PPP1R1C: variants seen among roughly 807,000 people sequenced by gnomAD.
PPP1R1C encodes protein phosphatase 1 regulatory inhibitor subunit 1C, also known as protein phosphatase 1 regulatory subunit 1C.
Under a neutral mutation model 17.4 loss-of-function variants are expected in PPP1R1C, and 15 were observed. That is an observed-to-expected ratio of 0.86 (90% CI 0.58 to 1.33). PPP1R1C has a LOEUF of 1.33. PPP1R1C is among the 40% of genes most tolerant of loss of function. The probability of loss-of-function intolerance (pLI) is 0.00; values close to 1 mark genes in which losing one functional copy is unlikely to be tolerated. For missense variants in PPP1R1C, 143 were observed against 130.0 expected, an observed-to-expected ratio of 1.10 and a Z score of -0.48; for synonymous variants, 35 against 43.1, an observed-to-expected ratio of 0.81 and a Z score of 0.73.
intron 2 of PPP1R1C, among the ~76,000 whole-genome samples, chr2:181,998,729 T>G (rs1420314952): frequency 6.6e-6 from 1 of 152,196 alleles, no homozygotes; most frequent in Admixed American, 6.5e-5. Context: ...TTTAAAATAA[T>G]TTTTCAAAAT....
At chr2:182,054,050 A>G (rs761476177) in intron 2 of PPP1R1C, among the ~76,000 whole-genome samples, 24 of 152,020 alleles carry the variant, frequency 1.6e-4, no homozygotes, top group Non-Finnish European at 3.1e-4. Context: ...CCTTTGTTTC[A>G]TGTATTTTAT....
intron 3 of PPP1R1C, among the ~76,000 whole-genome samples, chr2:182,062,970 G>C (rs1164201626): frequency 1.3e-5 from 2 of 151,950 alleles, no homozygotes; most frequent in African/African-American, 4.8e-5. Flanking sequence ...GGAGTCTTTG[G>C]CATTTTCCGA....
intron 4 of PPP1R1C, among the ~76,000 whole-genome samples, chr2:182,083,466 CT>C (rs1428623733): frequency 6.6e-6 from 1 of 152,144 alleles, no homozygotes. Flanking sequence ...AATGTATACC[CT>C]TGTGGACCTA....
intron 2 of PPP1R1C, among the ~76,000 whole-genome samples, chr2:182,002,927 A>ACCCCCCCCCC (rs200353111): frequency 9.5e-4 from 86 of 90,932 alleles, no homozygotes; most frequent in Non-Finnish European, 1.6e-3. Context: ...GATGCCATAA[A>ACCCCCCCCCC]CCTCCCCCCC....
At chr2:181,981,625 A>C (rs1685195666), upstream of PPP1R1C, among the ~76,000 whole-genome samples, 1 of 152,184 alleles carries the variant, frequency 6.6e-6, no homozygotes, top group East Asian at 1.9e-4. Context: ...GTAATAATTT[A>C]ATATTAATAT....
chr2:181,986,535 A>C (rs1430624860), intron 1 of PPP1R1C, among the ~76,000 whole-genome samples: 1 of 152,206 alleles, frequency 6.6e-6, no homozygotes, highest in Non-Finnish European at 1.5e-5. Context: ...AAAATGAGCA[A>C]CATTTTATTT....
rs766151720 is a variant in PPP1R1C, at chr2:182,114,591, C to T, written c.242-2616C>T. Among the ~76,000 whole-genome samples the T allele has an allele frequency of 7.4e-4, 112 of 152,080 alleles. 7 individuals are homozygous for T. Among genetic ancestry groups the T allele is most frequent in the Non-Finnish European group, 2.9e-5 (2 of 68,032 alleles). Reference sequence around the variant, plus strand: ...GATTGCCTTGAAGGCTGCTTCAAGGCACACATCAACCAATTGTTCATTATC... The same window carrying T: ...GATTGCCTTGAAGGCTGCTTCAAGGTACACATCAACCAATTGTTCATTATC... On this transcript the variant is annotated intron_variant, in intron 4 of 4. Transcript: ENST00000682840.
At position 181,972,706 on chromosome 2, in the gene PPP1R1C, C is replaced by T. The variant is rs76236355; in HGVS notation, n.112-2513C>T. On this transcript the variant is annotated intron_variant and non_coding_transcript_variant, in intron 1 of 5. Transcript: ENST00000464264. ...TGGGTTATTCAAGAAAGAGTAAGTTCAGTGGTGATTATGGGGTACATGGCC... is the reference window on the plus strand; with the variant it reads ...TGGGTTATTCAAGAAAGAGTAAGTTTAGTGGTGATTATGGGGTACATGGCC... Among the ~76,000 whole-genome samples the T allele has an allele frequency of 9.1e-3, 1,390 of 152,160 alleles. 23 individuals carry two copies. Among genetic ancestry groups the T allele is most frequent in the African/African-American group, 0.032 (1,323 of 41,516 alleles).
At chr2:182,063,331 C>T (rs925154016) in intron 3 of PPP1R1C, among the ~76,000 whole-genome samples, 1 of 152,118 alleles carries the variant, frequency 6.6e-6, no homozygotes, top group East Asian at 1.9e-4. Flanking sequence ...CACTCAATAA[C>T]CCCACGAACA....
At chr2:182,035,759 C>G (rs1686985410) in intron 2 of PPP1R1C, among the ~76,000 whole-genome samples, 1 of 152,144 alleles carries the variant, frequency 6.6e-6, no homozygotes, top group Non-Finnish European at 1.5e-5. Context: ...AGCCATGCCT[C>G]CTGTGCAGCC....
chr2:182,014,534 C>T (rs1686200351), intron 2 of PPP1R1C, among the ~76,000 whole-genome samples: 1 of 152,094 alleles, frequency 6.6e-6, no homozygotes, highest in African/African-American at 2.4e-5. Flanking sequence ...CCCATGGCAA[C>T]CACTGCCTGG....
intron 2 of PPP1R1C, among the ~76,000 whole-genome samples, chr2:182,041,984 G>T (rs16822370): frequency 0.073 from 11,108 of 152,060 alleles, 616 homozygotes; most frequent in East Asian, 0.18. Flanking sequence ...ACTATTTTTT[G>T]AACTTCTGGT....
chr2:182,067,601 C>T (rs952514904), intron 4 of PPP1R1C, among the ~76,000 whole-genome samples: 6 of 152,132 alleles, frequency 3.9e-5, no homozygotes, highest in East Asian at 1.9e-4. Flanking sequence ...CAAGCCATCA[C>T]GGTTCCACCC....
At chr2:182,032,883 A>G (rs915922395) in intron 2 of PPP1R1C, among the ~76,000 whole-genome samples, 1 of 152,192 alleles carries the variant, frequency 6.6e-6, no homozygotes, top group African/African-American at 2.4e-5. Flanking sequence ...TTTTAAAAAC[A>G]AAACTTCTCT....
intron 4 of PPP1R1C, among the ~76,000 whole-genome samples, chr2:182,108,011 T>C (rs1004209086): frequency 6.6e-6 from 1 of 152,076 alleles, no homozygotes; most frequent in African/African-American, 2.4e-5. Context: ...CTGTTTTCTA[T>C]GTCATAGTTT....
intron 4 of PPP1R1C, among the ~76,000 whole-genome samples, chr2:182,109,442 T>C (rs1689351868): frequency 6.6e-6 from 1 of 152,216 alleles, no homozygotes; most frequent in South Asian, 2.1e-4. Flanking sequence ...CCAGGTATTC[T>C]CCTATGTTAT....
chr2:182,066,236 A>C (rs1687979267), intron 4 of PPP1R1C, among the ~76,000 whole-genome samples: 1 of 152,070 alleles, frequency 6.6e-6, no homozygotes, highest in Non-Finnish European at 1.5e-5. Flanking sequence ...TGATGTCTTA[A>C]ATTTGTTTAT....
chr2:182,096,827 A>G (rs752421297), intron 4 of PPP1R1C, among the ~76,000 whole-genome samples: 8 of 152,136 alleles, frequency 5.3e-5, no homozygotes, highest in Non-Finnish European at 8.8e-5. Context: ...AAAATCATGC[A>G]AGTTGTTCTG....
chr2:182,091,353 A>G (rs1184088945), intron 4 of PPP1R1C, among the ~76,000 whole-genome samples: 1 of 152,200 alleles, frequency 6.6e-6, no homozygotes, highest in Admixed American at 6.6e-5. Flanking sequence ...AGTGAATCAA[A>G]GTCTATCTAT....
Sources: gnomAD v4.1 joint callset for allele counts (sites outside exome capture counted in the v4.1 genomes callset) on GRCh38, gnomAD v4.1.1 for gene constraint, MANE v1.5 for transcripts, NCBI Gene and HGNC (gene_info 2026-07-23, HGNC 2026-07-21) for gene names.